Variants in ZNF45 observed in about 807,000 individuals in gnomAD.
ZNF45 encodes BRC1744.
A neutral mutation model predicts 12.0 loss-of-function variants in ZNF45; 4 were observed. The ratio of observed to expected loss-of-function variants is 0.33; its 90% confidence interval spans 0.16 to 0.76. ZNF45 has a LOEUF of 0.76. Among genes scored for constraint, ZNF45 ranks in the 30% least tolerant of loss-of-function variants. The probability of loss-of-function intolerance (pLI) is 0.60; values close to 1 mark genes in which losing one functional copy is unlikely to be tolerated. For synonymous variants in ZNF45, 272 were observed against 279.6 expected (o/e 0.97, Z 0.27); for missense variants, 700 against 813.0 (o/e 0.86, Z 1.69).
chr19:43,921,385 A>G (rs1234630943), intron 7 of ZNF45, among the ~76,000 whole-genome samples: 1 of 152,218 alleles, frequency 6.6e-6, no homozygotes, highest in African/African-American at 2.4e-5. Flanking sequence ...ATAAGTTAAC[A>G]TAAGAGTAAA....
In ZNF45 at chr19:43,933,630, G is replaced by A. The variant is rs181208506; in HGVS notation, c.-487+796C>T. 3.3e-3 allele frequency among the ~76,000 whole-genome samples: 504 copies of A among 152,172 alleles called. 1 individual carries two copies. The highest frequency in any genetic ancestry group is 5.2e-3 in the Admixed American group (79 of 15,280). On this transcript the variant is annotated intron_variant, in intron 2 of 9. Coordinates refer to ENST00000269973, the MANE Select transcript of ZNF45 (RefSeq NM_003425.4). ...GTACATAAGAGTTCATTATATTTGG[G>A]TATGTTTGGATATTTCCATAGTAAA... is the stretch of plus-strand genomic sequence containing the variant.
intron 6 of ZNF45, among the ~76,000 whole-genome samples, chr19:43,923,710 A>G (rs184907717): frequency 2.4e-4 from 37 of 152,270 alleles, no homozygotes; most frequent in South Asian, 2.1e-3. Context: ...CATCACCACT[A>G]TCCATCATCA....
Position 43,914,560 on chromosome 19 carries a change from T to A in ZNF45, c.876A>T (p.Gln292His). ...TTCCAGTGTGAACTTTCAGATGAAC[T>A]TGAAGATATGATCTCTGACTGAAGC... ...GVGFSQRSYL[Q>H]VHLKVHTGKK... The change falls in exon 10 of 10, where the codon CAA becomes CAT. Residue 292 changes from glutamine (Q) to histidine (H), a missense_variant. Gln to His is a conservative substitution (Grantham distance 24, BLOSUM62 0). Coordinates refer to ENST00000269973, the MANE Select transcript of ZNF45 (RefSeq NM_003425.4). 1 of 1,609,392 alleles carries A rather than the reference T, an allele frequency of 6.2e-7. No homozygotes were observed. Among genetic ancestry groups the A allele is most frequent in the Non-Finnish European group, 8.5e-7 (1 of 1,177,830 alleles).
intron 9 of ZNF45, among the ~76,000 whole-genome samples, chr19:43,916,024 G>C (rs904044351): frequency 6.6e-6 from 1 of 152,080 alleles, no homozygotes; most frequent in East Asian, 1.9e-4. Flanking sequence ...TCACCATGTC[G>C]GTCAGGCTGG....
In ZNF45 at chr19:43,914,500, G is replaced by A. The variant is rs1972473987; in HGVS notation, c.936C>T (p.Ser312=). The stretch of plus-strand genomic sequence containing the variant: ...CCTGCAGTCGTGAACGCCAACTGAA[G>A]CTCTTCCCACACTCTTCACACTTAT... ...KPYKCEECGK[S]FSWRSRLQAH... Residue 312 remains serine, a synonymous_variant, in exon 10 of 10, where the codon AGC becomes AGT. Coordinates refer to ENST00000269973, the MANE Select transcript of ZNF45 (RefSeq NM_003425.4). 2 of 1,613,630 alleles carry A rather than the reference G, an allele frequency of 1.2e-6. No individual in the cohort carries two copies. The highest frequency in any genetic ancestry group is 1.7e-6 in the Non-Finnish European group (2 of 1,179,794).
intron 6 of ZNF45, among the ~76,000 whole-genome samples, chr19:43,922,438 G>A (rs913412868): frequency 6.6e-6 from 1 of 152,076 alleles, no homozygotes; most frequent in Admixed American, 6.6e-5. Flanking sequence ...TGACCTGCCC[G>A]ACCACACAGA....
intron 7 of ZNF45, among the ~76,000 whole-genome samples, 197 bp downstream of exon 7, chr19:43,921,974 T>C (rs1161230156): frequency 2.0e-5 from 3 of 152,206 alleles, no homozygotes; most frequent in African/African-American, 4.8e-5. Context: ...CTATGCTTAT[T>C]TATCAAATTA....
chr19:43,917,382 A>G (rs1038822335), intron 9 of ZNF45, among the ~76,000 whole-genome samples: 5 of 152,242 alleles, frequency 3.3e-5, no homozygotes, highest in African/African-American at 1.2e-4. Flanking sequence ...AGAAAGTTAC[A>G]TTGTAATAAT....
Position 43,933,774 on chromosome 19 carries a change from C to T in ZNF45, c.-487+652G>A, listed in dbSNP as rs186995173. 2.4e-4 allele frequency among the ~76,000 whole-genome samples: 37 copies of T among 152,256 alleles called. No homozygotes were observed. The East Asian group carries it at 6.5e-3, about 27-fold the overall frequency. Reference sequence around the variant, plus strand: ...TTAAAATGTTAATAATTATCTATATCCTAGTATTAAGGAAATTTGTAATAT... The same window carrying T: ...TTAAAATGTTAATAATTATCTATATTCTAGTATTAAGGAAATTTGTAATAT... On this transcript the variant is annotated intron_variant, in intron 2 of 9. Transcript: ENST00000269973.
rs1391002188 is a variant in ZNF45 at position 43,919,696 on chromosome 19, C to A, written c.19G>T (p.Ala7Ser). 2 of 1,611,162 alleles carry A rather than the reference C, an allele frequency of 1.2e-6. No homozygotes were observed. Among genetic ancestry groups the A allele is most frequent in the Non-Finnish European group, 1.7e-6 (2 of 1,178,168 alleles). MTKSKEAVTFKDVAVVF... is the reference protein window; with the variant it reads MTKSKESVTFKDVAVVF... ...ACAGCCACGTCCTTGAATGTCACTGCCTCCTACAACATCAAACACACTCCA... is the reference window on the plus strand; with the variant it reads ...ACAGCCACGTCCTTGAATGTCACTGACTCCTACAACATCAAACACACTCCA... The change falls in exon 8 of 10, where the codon GCA (alanine) becomes TCA (serine). Residue 7 changes from alanine to serine, a missense_variant. By Grantham distance (99) the Ala-to-Ser change is moderately conservative. Transcript: ENST00000269973.
rs757758431 is a variant in ZNF45 at position 43,914,220 on chromosome 19, G to A, written c.1216C>T (p.His406Tyr). The change falls in exon 10 of 10, where the codon CAT becomes TAT. Residue 406 changes from histidine to tyrosine, a missense_variant. By Grantham distance (83) the His-to-Tyr change is moderately conservative. Coordinates refer to ENST00000269973, the MANE Select transcript of ZNF45 (RefSeq NM_003425.4). ...GFCRASNLLD[H>Y]QRGHTGEKPY... ...TTCTCTCCAGTATGGCCTCTTTGAT[G>A]GTCCAGCAGATTTGAGGCCCGGCAG... The A allele has an allele frequency of 6.2e-7, 1 of 1,609,208 alleles. No homozygotes were observed. The highest frequency in any genetic ancestry group is 1.7e-5 in the Admixed American group (1 of 59,680).
Position 43,914,692 on chromosome 19 carries a change from G to C in ZNF45, c.744C>G (p.Tyr248Ter). 1 of 1,614,116 alleles carries C rather than the reference G, an allele frequency of 6.2e-7. No homozygotes were observed. The highest frequency in any genetic ancestry group is 2.2e-5 in the East Asian group (1 of 44,884). ...HQRVPTGENP[Y>*]KYEECGRNVG... ...CATTCCTCCCACACTCTTCATATTT[G>C]TATGGATTCTCTCCAGTGGGAACTC... The change falls in exon 10 of 10, where the codon TAC becomes TAG. Residue 248 changes from tyrosine to a stop codon, truncating the protein, a stop_gained. Transcript: ENST00000269973. LOFTEE classifies it low-confidence loss of function (END_TRUNC).
Position 43,914,894 on chromosome 19 carries a change from A to T in ZNF45, c.542T>A (p.Ile181Asn). 6.2e-7 allele frequency: 1 copy of T among 1,612,814 alleles called. No homozygotes were observed. Among genetic ancestry groups the T allele is most frequent in the Non-Finnish European group, 8.5e-7 (1 of 1,178,856 alleles). The change falls in exon 10 of 10, where the codon ATT (isoleucine) becomes AAT (asparagine). Residue 181 changes from isoleucine (I) to asparagine (N), a missense_variant. By Grantham distance (149) the Ile-to-Asn change is moderately radical. Coordinates refer to ENST00000269973, the MANE Select transcript of ZNF45 (RefSeq NM_003425.4). Reference protein sequence around the residue: ...KSFSWSSHLQINQRAHAGEKP... With the variant: ...KSFSWSSHLQNNQRAHAGEKP... ...CTCTCCTGCATGAGCCCTTTGGTTA[A>T]TTTGAAGATGAGAGCTCCAGCTGAA...
In ZNF45 at chr19:43,934,437, CG is replaced by C. The variant is rs1407264405; in HGVS notation, c.-499del. On this transcript the variant is annotated 5_prime_UTR_variant, in exon 2 of 10. Coordinates refer to ENST00000269973, the MANE Select transcript of ZNF45 (RefSeq NM_003425.4). ...AAGGAATGAAATACCTTCTCGCACT[CG>C]GAACAGAAGAGGAAGGTGAATGCTA... The C allele has an allele frequency of 2.0e-5, 3 of 152,214 alleles. No homozygotes were observed. Among genetic ancestry groups the C allele is most frequent in the Admixed American group, 1.3e-4 (2 of 15,276 alleles). The allele number at this position is 152,214 out of a possible 1,614,324, so 9.4% of individuals were successfully genotyped here.
rs1599756977 is a variant in ZNF45 at position 43,913,096 on chromosome 19, C to T, written c.*291G>A. 1.7e-5 allele frequency: 5 copies of T among 290,426 alleles called. No homozygotes were observed. The East Asian group carries it at 2.9e-4, about 17-fold the overall frequency. 18.0% of individuals were successfully genotyped at this position (290,426 alleles called of 1,614,324 possible). On this transcript the variant is annotated 3_prime_UTR_variant, in exon 10 of 10. Coordinates refer to ENST00000269973, the MANE Select transcript of ZNF45 (RefSeq NM_003425.4). ...GTAGATTTGGCAGTCAACAAAGTCCCTGCCCTCTTGGATCTTATATTCTAG... is the reference window on the plus strand; with the variant it reads ...GTAGATTTGGCAGTCAACAAAGTCCTTGCCCTCTTGGATCTTATATTCTAG...
At position 43,914,488 on chromosome 19, in the gene ZNF45, A is replaced by T. The variant is rs373683476; in HGVS notation, c.948T>A (p.Arg316=). ...CEECGKSFSW[R]SRLQAHERIH... is the part of the protein sequence containing the mutation. The stretch of plus-strand genomic sequence containing the variant: ...TTCGCTCATGAGCCTGCAGTCGTGA[A>T]CGCCAACTGAAGCTCTTCCCACACT... Residue 316 remains arginine (R), a synonymous_variant, in exon 10 of 10, where the codon CGT becomes CGA. Coordinates refer to ENST00000269973, the MANE Select transcript of ZNF45 (RefSeq NM_003425.4). The T allele has an allele frequency of 1.7e-5, 28 of 1,613,538 alleles. No homozygotes were observed. The highest frequency in any genetic ancestry group is 2.3e-5 in the Non-Finnish European group (27 of 1,179,804).
At position 43,934,923 on chromosome 19, in the gene ZNF45, C is replaced by T. The variant is rs1475013427; in HGVS notation, c.-756+1G>A. On this transcript the variant is annotated splice_donor_variant, in intron 1 of 9. Transcript: ENST00000269973. LOFTEE classifies it low-confidence loss of function (5UTR_SPLICE). ...TAAGCACCGAAAGATTAAGTTCTCA[C>T]CCAACGTTACACCGCTAGGAAGCTA... The T allele has an allele frequency of 6.6e-6, 1 of 152,210 alleles. No homozygotes were observed. The highest frequency in any genetic ancestry group is 1.9e-4 in the East Asian group (1 of 5,196). 9.4% of individuals were successfully genotyped at this position (152,210 alleles called of 1,614,324 possible). A position where few individuals can be genotyped will look rare whatever the true frequency, so the allele number is the denominator to read the frequency against.
chr19:43,922,176 A>G lies in ZNF45; in HGVS notation c.10T>C (p.Ser4Pro). The change falls in exon 7 of 10, where the codon TCT (serine) becomes CCT (proline). Residue 4 changes from serine to proline, a missense_variant. Ser to Pro is a moderately conservative substitution (Grantham distance 74). Coordinates refer to ENST00000269973, the MANE Select transcript of ZNF45 (RefSeq NM_003425.4). MTK[S>P]KEAVTFKDVA... ...GAAAGGGAGGTCCAACTCACCTTAG[A>G]CTTCGTCATTTTGTCCTCCTCCTTC... The G allele has an allele frequency of 6.2e-7, 1 of 1,610,442 alleles. No individual in the cohort carries two copies. The highest frequency in any genetic ancestry group is 2.2e-5 in the East Asian group (1 of 44,860).
At position 43,914,171 on chromosome 19, in the gene ZNF45, C is replaced by T. The variant is rs1489275452; in HGVS notation, c.1265G>A (p.Gly422Asp). The change falls in exon 10 of 10, where the codon GGT becomes GAT. Residue 422 changes from glycine to aspartate, a missense_variant. Physicochemically the swap from Gly to Asp is moderately conservative, Grantham distance 94. Coordinates refer to ENST00000269973, the MANE Select transcript of ZNF45 (RefSeq NM_003425.4). ...ATCTGAGCTACGACTGAAGCCCTTA[C>T]CACATGCATCACACTGATACGGTTT... ...GEKPYQCDAC[G>D]KGFSRSSDFN... 1.2e-6 allele frequency: 2 copies of T among 1,608,448 alleles called. No homozygotes were observed. Among genetic ancestry groups the T allele is most frequent in the East Asian group, 4.5e-5 (2 of 44,604 alleles).
Sources: allele counts gnomAD v4.1 joint callset (sites outside exome capture counted in the v4.1 genomes callset), GRCh38; gene constraint gnomAD v4.1.1; transcripts MANE v1.5; gene names NCBI Gene and HGNC (gene_info 2026-07-23, HGNC 2026-07-21).